Variants in CYP3A5 observed in about 807,000 individuals in gnomAD.
CYP3A5 encodes cytochrome P450 3A5.
CYP3A5 carries 51 observed loss-of-function variants against 55.9 expected under a neutral mutation model. The observed-to-expected ratio is 0.91, with a 90% CI of 0.73 to 1.15. CYP3A5 has a LOEUF of 1.15. Ranked by LOEUF, CYP3A5 falls within the 50% of genes most tolerant of loss-of-function variation. The probability of loss-of-function intolerance (pLI) is 0.00; values close to 1 mark genes in which losing one functional copy is unlikely to be tolerated. For missense variants in CYP3A5, 533 were observed against 596.6 expected, an observed-to-expected ratio of 0.89 and a Z score of 1.11; for synonymous variants, 196 against 213.9, an observed-to-expected ratio of 0.92 and a Z score of 0.73.
At chr7:99,663,033 CA>C in intron 8 of CYP3A5, 151 bp from the exon 9 acceptor site, 1 of 1,395,194 alleles carries the variant, frequency 7.2e-7, no homozygotes. Context: ...CACCAGTGAA[CA>C]AAAACATTCA....
At chr7:99,649,574 C>T (rs902608662) in intron 12 of CYP3A5, among the ~76,000 whole-genome samples, 6 of 152,084 alleles carry the variant, frequency 3.9e-5, no homozygotes, top group Non-Finnish European at 7.4e-5. Flanking sequence ...GGGGTTCACC[C>T]GACAGCATGA....
chr7:99,671,688 T>A, intron 4 of CYP3A5: 1 of 619,864 alleles, frequency 1.6e-6, no homozygotes, highest in South Asian at 1.9e-5. Flanking sequence ...TTTTCAGACT[T>A]AACACCAAAA....
Position 99,650,087 on chromosome 7 carries a change from A to G in CYP3A5, c.1399T>C (p.Cys467Arg), listed in dbSNP as rs777196351. 9 of 1,614,098 alleles carry G rather than the reference A, an allele frequency of 5.6e-6. No homozygotes were observed. The highest frequency in any genetic ancestry group is 2.2e-5 in the South Asian group (2 of 91,078). Residue 467 changes from cysteine to arginine, a missense_variant, in exon 12 of 13, where the codon TGT (cysteine) becomes CGT (arginine). Physicochemically the swap from Cys to Arg is radical, Grantham distance 180. Transcript: ENST00000222982. Reference sequence around the variant, plus strand: ...AGTGTACTGACCTGTGTTTCTTTACAAGGTTTGAAGGAGAAGTTCTGAAGG... The same window carrying G: ...AGTGTACTGACCTGTGTTTCTTTACGAGGTTTGAAGGAGAAGTTCTGAAGG... The part of the protein sequence containing the change: ...RVLQNFSFKP[C>R]KETQIPLKLD...
chr7:99,678,155 C>T (rs1449476223), intron 1 of CYP3A5, among the ~76,000 whole-genome samples: 1 of 152,248 alleles, frequency 6.6e-6, no homozygotes, highest in Non-Finnish European at 1.5e-5. Context: ...GTCTGCCTGG[C>T]TGCCCGAGTC....
chr7:99,660,320 C>T (rs981796476), intron 10 of CYP3A5, 179 bp downstream of exon 10: 8 of 1,212,576 alleles, frequency 6.6e-6, no homozygotes, highest in Middle Eastern at 3.4e-4. Flanking sequence ...TATGCTTCTG[C>T]CAGTAGCAAC....
At chr7:99,674,056 G>A (rs576880766) in intron 3 of CYP3A5, among the ~76,000 whole-genome samples, 1 of 152,274 alleles carries the variant, frequency 6.6e-6, no homozygotes, top group Admixed American at 6.5e-5. Flanking sequence ...TCCCAAGAAG[G>A]CTATGAAGAG....
Position 99,679,959 on chromosome 7 carries a change from C to T in CYP3A5, c.-63G>A. ...CCTTTTAGCTGAGTGCTGCTGTTTGCTGGGCTGTTTGCCTGGAGCTTCCCT... is the reference window on the plus strand; with the variant it reads ...CCTTTTAGCTGAGTGCTGCTGTTTGTTGGGCTGTTTGCCTGGAGCTTCCCT... On this transcript the variant is annotated 5_prime_UTR_variant, in exon 1 of 13. Coordinates refer to ENST00000222982, the MANE Select transcript of CYP3A5 (RefSeq NM_000777.5). The T allele has an allele frequency of 1.4e-6, 2 of 1,468,424 alleles. No homozygotes were observed. Among genetic ancestry groups the T allele is most frequent in the East Asian group, 2.3e-5 (1 of 44,106 alleles). 91.0% of individuals were successfully genotyped at this position (1,468,424 alleles called of 1,614,324 possible). A position where few individuals can be genotyped will look rare whatever the true frequency, so the allele number is the denominator to read the frequency against.
chr7:99,679,640 A>G (rs1812642400), intron 1 of CYP3A5, among the ~76,000 whole-genome samples, 186 bp downstream of exon 1: 1 of 152,170 alleles, frequency 6.6e-6, no homozygotes, highest in African/African-American at 2.4e-5. Context: ...GATGGGAGAA[A>G]TGCTTATTTA....
At chr7:99,670,554 A>G (rs1811505072) in intron 4 of CYP3A5, among the ~76,000 whole-genome samples, 2 of 152,212 alleles carry the variant, frequency 1.3e-5, no homozygotes, top group African/African-American at 2.4e-5. Flanking sequence ...GTCGACATAT[A>G]TATGTTACCT....
chr7:99,669,674 C>T (rs891315030), intron 4 of CYP3A5, among the ~76,000 whole-genome samples: 1 of 152,106 alleles, frequency 6.6e-6, no homozygotes, highest in African/African-American at 2.4e-5. Flanking sequence ...ACAGATACGG[C>T]ACAACTTGCT....
rs554646849 is a variant in CYP3A5 at position 99,650,332 on chromosome 7, AACCAGTAGTACACAGGAT to A, written c.1254-118_1254-101del. On this transcript the variant is annotated intron_variant, in intron 11 of 12. Transcript: ENST00000222982. ...TAAGAACAACCCCCCTCCACCTCCC[AACCAGTAGTACACAGGAT>A]ACTTTTGTGGGCTGGTCATTGAAAT... 99 of 1,066,522 alleles carry A rather than the reference AACCAGTAGTACACAGGAT, an allele frequency of 9.3e-5. No individual in the cohort carries two copies. In the African/African-American group the frequency reaches 1.4e-3, roughly 16 times the overall value. The allele number at this position is 1,066,522 out of a possible 1,614,324, so 66.1% of individuals were successfully genotyped here.
At position 99,663,941 on chromosome 7, in the gene CYP3A5, C is replaced by T. The variant is rs201521480; in HGVS notation, c.798+27G>A. 1.0e-5 allele frequency: 16 copies of T among 1,560,226 alleles called. No homozygotes were observed. In the East Asian group the frequency reaches 1.1e-4, roughly 11 times the overall value. Reference sequence around the variant, plus strand: ...TCTAAATTTATCAAAACCTAAACATCGTCATTTAACCACCATCAGATTTTA... The same window carrying T: ...TCTAAATTTATCAAAACCTAAACATTGTCATTTAACCACCATCAGATTTTA... On this transcript the variant is annotated intron_variant, in intron 8 of 12. Coordinates refer to ENST00000222982, the MANE Select transcript of CYP3A5 (RefSeq NM_000777.5).
chr7:99,676,305 G>T, intron 1 of CYP3A5, 97 bp from the exon 2 acceptor site: 1 of 1,587,950 alleles, frequency 6.3e-7, no homozygotes, highest in South Asian at 1.1e-5. Flanking sequence ...AAGAGAGGGA[G>T]GTAATATGTA....
chr7:99,663,887 C>T (rs1810697595), intron 8 of CYP3A5, 81 bp downstream of exon 8: 1 of 1,460,414 alleles, frequency 6.8e-7, no homozygotes, highest in South Asian at 1.6e-5. Flanking sequence ...TTTAAAAATA[C>T]AGATACATGC....
intron 11 of CYP3A5, among the ~76,000 whole-genome samples, chr7:99,651,081 T>C (rs1046175105): frequency 6.6e-6 from 1 of 152,176 alleles, no homozygotes; most frequent in Admixed American, 6.5e-5. Context: ...TTACAGGCTA[T>C]TGCTTCAAAA....
intron 1 of CYP3A5, 123 bp downstream of exon 1, chr7:99,679,703 C>G: frequency 3.4e-6 from 3 of 876,216 alleles, no homozygotes; most frequent in Non-Finnish European, 5.7e-6. Flanking sequence ...TTTGTAGCGT[C>G]CAACACTTCA....
chr7:99,651,530 C>T (rs889796369), intron 11 of CYP3A5, among the ~76,000 whole-genome samples: 1 of 152,128 alleles, frequency 6.6e-6, no homozygotes, highest in African/African-American at 2.4e-5. Context: ...AGAACTTGGT[C>T]AGCTCTGACT....
At chr7:99,668,307 A>G (rs1191288237) in intron 4 of CYP3A5, among the ~76,000 whole-genome samples, 2 of 152,224 alleles carry the variant, frequency 1.3e-5, no homozygotes, top group Non-Finnish European at 2.9e-5. Flanking sequence ...GGCATACTAT[A>G]TTCACGGGAT....
At position 99,648,420 on chromosome 7, in the gene CYP3A5, A is replaced by G. The variant is rs373785108; in HGVS notation, c.1414-20T>C. 12 of 1,541,430 alleles carry G rather than the reference A, an allele frequency of 7.8e-6. No homozygotes were observed. In the African/African-American group the frequency reaches 9.7e-5, roughly 12 times the overall value. On this transcript the variant is annotated intron_variant, in intron 12 of 12. Transcript: ENST00000222982. The stretch of plus-strand genomic sequence containing the variant: ...GGGGATCTACAATAGTTAAACAAGC[A>G]TATGGAGAATTAATAAATGAAGTGA...
Sources: allele counts gnomAD v4.1 joint callset (sites outside exome capture counted in the v4.1 genomes callset), GRCh38; gene constraint gnomAD v4.1.1; transcripts MANE v1.5; gene names NCBI Gene and HGNC (gene_info 2026-07-23, HGNC 2026-07-21).